PAPPA: variants seen among roughly 807,000 people sequenced by gnomAD.
PAPPA encodes pappalysin 1.
Under a neutral mutation model 164.0 loss-of-function variants are expected in PAPPA, and 60 were observed. The observed-to-expected ratio is 0.37, with a 90% CI of 0.30 to 0.45. The LOEUF is 0.45. Among genes scored for constraint, PAPPA ranks in the 20% least tolerant of loss-of-function variants. The pLI is 1.00. For synonymous variants in PAPPA, 875 were observed against 814.1 expected, an observed-to-expected ratio of 1.07 and a Z score of -1.27; for missense variants, 1,782 against 2,087.3, an observed-to-expected ratio of 0.85 and a Z score of 2.85.
At chr9:116,389,760 C>T (rs1295998063) in intron 21 of PAPPA, among the ~76,000 whole-genome samples, 1 of 152,000 alleles carries the variant, frequency 6.6e-6, no homozygotes, top group Non-Finnish European at 1.5e-5. Flanking sequence ...ACCCTGACCA[C>T]CCAACCCACA....
At chr9:116,233,090 T>C (rs1027564173) in intron 6 of PAPPA, among the ~76,000 whole-genome samples, 1 of 152,246 alleles carries the variant, frequency 6.6e-6, no homozygotes, top group South Asian at 2.1e-4. Flanking sequence ...TGTTCTATGC[T>C]GTAACTTTTA....
intron 9 of PAPPA, among the ~76,000 whole-genome samples, chr9:116,298,524 G>A (rs1845538312): frequency 6.6e-6 from 1 of 152,188 alleles, no homozygotes; most frequent in South Asian, 2.1e-4. Flanking sequence ...AGAATGCCCA[G>A]TGCAATCCCA....
chr9:116,187,251 T>C lies in PAPPA; in HGVS notation c.513T>C (p.Phe171=). Reference sequence around the variant, plus strand: ...AAGACAACAAAGACCCACGCTACTTTTTCTCCTTGAAGACAGACCGAGCCC... The same window carrying C: ...AAGACAACAAAGACCCACGCTACTTCTTCTCCTTGAAGACAGACCGAGCCC... ...SDQDNKDPRY[F]FSLKTDRARQ... Residue 171 remains phenylalanine (F), a synonymous_variant, in exon 2 of 22, where the codon TTT becomes TTC. Transcript: ENST00000328252. This position sits in a 1 kb window ranked among gnomAD's most constrained non-coding sequence, Gnocchi z 4.2. 6.2e-7 allele frequency: 1 copy of C among 1,614,124 alleles called. No individual in the cohort carries two copies.
intron 12 of PAPPA, 26 bp from the exon 13 acceptor site, chr9:116,334,835 C>A: frequency 2.5e-6 from 4 of 1,584,870 alleles, no homozygotes; most frequent in Non-Finnish European, 3.5e-6. Flanking sequence ...AGCCTGGCCC[C>A]TCGGCCCCTC....
chr9:116,261,612 G>C (rs1397940793), intron 7 of PAPPA, among the ~76,000 whole-genome samples: 2 of 152,054 alleles, frequency 1.3e-5, no homozygotes, highest in Non-Finnish European at 2.9e-5. Flanking sequence ...CATTTTAAAT[G>C]CATATTTAAG....
Position 116,347,168 on chromosome 9 carries a change from G to A in PAPPA, c.3923G>A (p.Ser1308Asn), listed in dbSNP as rs1266198920. The change falls in exon 15 of 22, where the codon AGT becomes AAT. Residue 1308 changes from serine (S) to asparagine (N), a missense_variant. Coordinates refer to ENST00000328252, the MANE Select transcript of PAPPA (RefSeq NM_002581.5). The surrounding 1 kb of genome is among the most constrained non-coding windows in gnomAD (Gnocchi z 4.5). ...TGCCCTGAGGGCACCACCTTTGGCA[G>A]TCAATGTTCCTTCCAGTGCCGTCAC... ...FSCPEGTTFG[S>N]QCSFQCRHPA... The A allele has an allele frequency of 1.9e-6, 3 of 1,613,836 alleles. No individual in the cohort carries two copies. Among genetic ancestry groups the A allele is most frequent in the Non-Finnish European group, 2.5e-6 (3 of 1,179,920 alleles).
At chr9:116,364,440 C>T (rs1846472542) in intron 18 of PAPPA, among the ~76,000 whole-genome samples, 1 of 152,164 alleles carries the variant, frequency 6.6e-6, no homozygotes, top group African/African-American at 2.4e-5. Flanking sequence ...CAGCCCCAAA[C>T]ACACACATCA....
At chr9:116,385,393 A>G (rs1467431714) in intron 21 of PAPPA, among the ~76,000 whole-genome samples, 1 of 151,952 alleles carries the variant, frequency 6.6e-6, no homozygotes, top group Non-Finnish European at 1.5e-5. Context: ...TGATCCACCC[A>G]CCTCAGCCTC....
intron 4 of PAPPA, among the ~76,000 whole-genome samples, chr9:116,214,964 A>T (rs1844352608): frequency 1.3e-5 from 2 of 152,208 alleles, no homozygotes; most frequent in Admixed American, 6.5e-5. Context: ...TGTTTCCTAA[A>T]TATTTATTAG....
At chr9:116,190,957 A>G (rs1053597604) in intron 2 of PAPPA, among the ~76,000 whole-genome samples, 5 of 152,042 alleles carry the variant, frequency 3.3e-5, no homozygotes, top group African/African-American at 1.2e-4. Flanking sequence ...TCCTGTGTGC[A>G]GACAGAAACC....
Position 116,399,606 on chromosome 9 carries a change from A to G in PAPPA, c.*2990A>G, listed in dbSNP as rs543625386. ...AGTATTAGATTGTTAGCAGCAAAATATGAAAGATGAGGTGGACAGTCCTCT... is the reference window on the plus strand; with the variant it reads ...AGTATTAGATTGTTAGCAGCAAAATGTGAAAGATGAGGTGGACAGTCCTCT... On this transcript the variant is annotated 3_prime_UTR_variant, in exon 22 of 22. Transcript: ENST00000328252. The G allele has an allele frequency of 6.5e-6, 1 of 152,742 alleles. No individual in the cohort carries two copies. Among genetic ancestry groups the G allele is most frequent in the African/African-American group, 2.4e-5 (1 of 41,576 alleles). 9.5% of individuals were successfully genotyped at this position (152,742 alleles called of 1,614,324 possible). A position where few individuals can be genotyped will look rare whatever the true frequency, so the allele number is the denominator to read the frequency against.
intron 21 of PAPPA, among the ~76,000 whole-genome samples, chr9:116,394,069 A>T (rs1400312957): frequency 6.6e-6 from 1 of 152,202 alleles, no homozygotes; most frequent in Non-Finnish European, 1.5e-5. Context: ...CAGACAGAAT[A>T]TTAGAGAAGA....
chr9:116,299,681 A>C (rs1366440405), intron 9 of PAPPA, among the ~76,000 whole-genome samples: 1 of 152,154 alleles, frequency 6.6e-6, no homozygotes, highest in Non-Finnish European at 1.5e-5. Flanking sequence ...TGTAGGGAGA[A>C]GATTTCTCTG....
intron 2 of PAPPA, among the ~76,000 whole-genome samples, chr9:116,196,659 A>C (rs1174901747): frequency 6.6e-6 from 1 of 152,180 alleles, no homozygotes; most frequent in Non-Finnish European, 1.5e-5. Context: ...TGTGAACAGC[A>C]TTGCATTTTG....
intron 1 of PAPPA, among the ~76,000 whole-genome samples, chr9:116,173,212 G>A (rs717963): frequency 0.26 from 39,283 of 151,990 alleles, 6,324 homozygotes; most frequent in Non-Finnish European, 0.35. Context: ...GCCTTAAAGC[G>A]TTTTTTGAGT....
chr9:116,174,271 T>C (rs1843807142), intron 1 of PAPPA, among the ~76,000 whole-genome samples: 1 of 151,846 alleles, frequency 6.6e-6, no homozygotes, highest in Non-Finnish European at 1.5e-5. Context: ...TCTGCCTGTC[T>C]GGCCTTGTCC....
chr9:116,262,042 A>T (rs1845008766), intron 7 of PAPPA, among the ~76,000 whole-genome samples: 1 of 151,960 alleles, frequency 6.6e-6, no homozygotes, highest in Non-Finnish European at 1.5e-5. Flanking sequence ...ATTAGACCCC[A>T]TCTCTACAAA....
chr9:116,264,714 T>C (rs1845046217), intron 7 of PAPPA, among the ~76,000 whole-genome samples: 1 of 152,204 alleles, frequency 6.6e-6, no homozygotes, highest in Admixed American at 6.5e-5. Flanking sequence ...CTCTTCATTA[T>C]CATTTTGTGT....
intron 9 of PAPPA, among the ~76,000 whole-genome samples, chr9:116,295,422 C>T (rs1273015661): frequency 3.3e-5 from 5 of 151,780 alleles, no homozygotes; most frequent in African/African-American, 7.2e-5. Context: ...GATGTGGTGG[C>T]GGGTGCCTGT....
Sources: allele counts gnomAD v4.1 joint callset (sites outside exome capture counted in the v4.1 genomes callset), GRCh38; gene constraint gnomAD v4.1.1; non-coding constraint Gnocchi (gnomAD v3.1); transcripts MANE v1.5; gene names NCBI Gene and HGNC (gene_info 2026-07-23, HGNC 2026-07-21).